Variants in STK10 observed in about 807,000 individuals in gnomAD.
The protein encoded by STK10 is serine/threonine kinase 10, also known as serine/threonine-protein kinase 10.
In STK10, 78 loss-of-function variants were observed where a neutral mutation model predicts 113.8. The observed-to-expected ratio is 0.69, with a 90% CI of 0.57 to 0.83. The LOEUF (loss-of-function observed/expected upper bound fraction) is 0.83, where lower values mean the gene tolerates loss of function less well. Among genes scored for constraint, STK10 ranks in the 40% least tolerant of loss-of-function variants. The pLI, the probability that STK10 is intolerant of heterozygous loss-of-function variation, is 0.00. For synonymous variants in STK10, 465 were observed against 494.7 expected (o/e 0.94, Z 0.80); for missense variants, 1,109 against 1,280.1 (o/e 0.87, Z 2.04).
At position 172,127,422 on chromosome 5, in the gene STK10, C is replaced by G. The variant is rs899019566; in HGVS notation, c.322-1G>C. 2 of 1,613,576 alleles carry G rather than the reference C, an allele frequency of 1.2e-6. No homozygotes were observed. The highest frequency in any genetic ancestry group is 2.7e-5 in the African/African-American group (2 of 74,930). On this transcript the variant is annotated splice_acceptor_variant, in intron 2 of 18. Coordinates refer to ENST00000176763, the MANE Select transcript of STK10 (RefSeq NM_005990.4). LOFTEE classifies it high-confidence loss of function. Reference sequence around the variant, plus strand: ...CCCCTGGACAGAACTCAATCATGATCTGCAGAAAACACAGGGCAAAGTGAC... The same window carrying G: ...CCCCTGGACAGAACTCAATCATGATGTGCAGAAAACACAGGGCAAAGTGAC...
At chr5:172,063,924 T>C (rs527787387) in intron 13 of STK10, among the ~76,000 whole-genome samples, 1 of 151,808 alleles carries the variant, frequency 6.6e-6, no homozygotes, top group Non-Finnish European at 1.5e-5. Flanking sequence ...TGGGGGAAAA[T>C]AGGAGCATTC....
chr5:172,094,046 A>G (rs745840495), intron 8 of STK10, 86 bp from the exon 9 acceptor site: 84 of 1,111,680 alleles, frequency 7.6e-5, no homozygotes, highest in Non-Finnish European at 9.2e-5. Flanking sequence ...AAAGTCAGAC[A>G]CCCTCAAGAT....
intron 15 of STK10, among the ~76,000 whole-genome samples, chr5:172,056,017 A>G (rs1000668724): frequency 2.0e-5 from 3 of 152,240 alleles, no homozygotes; most frequent in East Asian, 1.9e-4. Context: ...CATCTAATCA[A>G]TGATGGCATG....
At chr5:172,103,077 G>C (rs763981258) in intron 7 of STK10, among the ~76,000 whole-genome samples, 1 of 152,244 alleles carries the variant, frequency 6.6e-6, no homozygotes, top group Non-Finnish European at 1.5e-5. Flanking sequence ...ACAGGGAGAC[G>C]TGAGAGCCAG....
At chr5:172,048,899 T>C (rs1312551017) in intron 18 of STK10, among the ~76,000 whole-genome samples, 1 of 151,106 alleles carries the variant, frequency 6.6e-6, no homozygotes, top group Non-Finnish European at 1.5e-5. Context: ...GCCGCAGGGG[T>C]CTCCTTGTTT....
Position 172,188,190 on chromosome 5 carries a change from G to T in STK10, c.-148C>A. The T allele has an allele frequency of 7.3e-7, 1 of 1,369,662 alleles. No individual in the cohort carries two copies. The highest frequency in any genetic ancestry group is 9.7e-7 in the Non-Finnish European group (1 of 1,036,120). The allele number at this position is 1,369,662 out of a possible 1,614,324, so 84.8% of individuals were successfully genotyped here. On this transcript the variant is annotated 5_prime_UTR_variant, in exon 1 of 19. Coordinates refer to ENST00000176763, the MANE Select transcript of STK10 (RefSeq NM_005990.4). The surrounding 1 kb of genome is among the most constrained non-coding windows in gnomAD (Gnocchi z 5.6). ...CGCCTTTCCCCGCAGCCCGACCTCGGTCAAGTGTGCCCTGGGCAGCGCCGC... is the reference window on the plus strand; with the variant it reads ...CGCCTTTCCCCGCAGCCCGACCTCGTTCAAGTGTGCCCTGGGCAGCGCCGC...
intron 18 of STK10, among the ~76,000 whole-genome samples, chr5:172,049,118 C>A (rs952355760): frequency 5.9e-5 from 9 of 152,130 alleles, no homozygotes; most frequent in African/African-American, 2.2e-4. Context: ...TGCTTCTTGG[C>A]CCCTTACTAG....
Position 172,048,926 on chromosome 5 carries a change from G to A in STK10, c.2767-3904C>T, listed in dbSNP as rs563632706. Among the ~76,000 whole-genome samples, 247 of 151,826 alleles carry A rather than the reference G, an allele frequency of 1.6e-3. 1 individual carries two copies. Among genetic ancestry groups the A allele is most frequent in the Non-Finnish European group, 2.8e-3 (191 of 67,956 alleles). On this transcript the variant is annotated intron_variant, in intron 18 of 18. Coordinates refer to ENST00000176763, the MANE Select transcript of STK10 (RefSeq NM_005990.4). ...TCCTTGTTTCACGAGCAAGGTGTCC[G>A]GGCCTTTGCAGTTGCTCTTCCCTGT...
At chr5:172,075,668 G>A (rs920378209) in intron 12 of STK10, among the ~76,000 whole-genome samples, 8 of 152,104 alleles carry the variant, frequency 5.3e-5, no homozygotes, top group South Asian at 2.1e-4. Context: ...CGACAAGAGC[G>A]AAACTCCATC....
At chr5:172,051,021 G>C (rs1489356358) in intron 18 of STK10, among the ~76,000 whole-genome samples, 1 of 151,866 alleles carries the variant, frequency 6.6e-6, no homozygotes, top group Non-Finnish European at 1.5e-5. Context: ...GTTGAGGCAG[G>C]AGAATCGCTT....
chr5:172,129,423 T>C (rs895119821), intron 2 of STK10, among the ~76,000 whole-genome samples: 18 of 152,204 alleles, frequency 1.2e-4, no homozygotes, highest in African/African-American at 4.1e-4. Context: ...ACAACGGGCC[T>C]GACCTCAGCT....
At position 172,090,269 on chromosome 5, in the gene STK10, C is replaced by T. The variant is rs143733022; in HGVS notation, c.1648G>A (p.Glu550Lys). The T allele has an allele frequency of 5.3e-5, 86 of 1,614,014 alleles. No homozygotes were observed. Among genetic ancestry groups the T allele is most frequent in the Non-Finnish European group, 6.9e-5 (81 of 1,180,016 alleles). ...ATCTCCTCATCCTTCTTCTCATCTT[C>T]GCTGATGATCTTGGAGGTGGTGATG... is the stretch of plus-strand genomic sequence containing the variant. Reference protein sequence around the residue: ...VSITTSKIISEDEKKDEEMRF... With the variant: ...VSITTSKIISKDEKKDEEMRF... The change falls in exon 10 of 19, where the codon GAA becomes AAA. Residue 550 changes from glutamate (E) to lysine (K), a missense_variant. Physicochemically the swap from Glu to Lys is moderately conservative, Grantham distance 56. Around this residue, in one of 5 missense-constraint regions of STK10, gnomAD observed 885 missense variants for 991.1 expected, o/e 0.89. Coordinates refer to ENST00000176763, the MANE Select transcript of STK10 (RefSeq NM_005990.4).
At chr5:172,163,143 CACTG>C (rs1463567559) in intron 1 of STK10, among the ~76,000 whole-genome samples, 3 of 152,240 alleles carry the variant, frequency 2.0e-5, no homozygotes, top group South Asian at 2.1e-4. Context: ...AAACAGCTAA[CACTG>C]ACTGAGCACT....
chr5:172,089,427 TG>T (rs1768641104), intron 10 of STK10, among the ~76,000 whole-genome samples: 2 of 151,596 alleles, frequency 1.3e-5, no homozygotes, highest in Non-Finnish European at 2.9e-5. Context: ...GATGGATGGA[TG>T]GATGGATGGA....
Position 172,187,442 on chromosome 5 carries a change from G to A in STK10, c.156+445C>T, listed in dbSNP as rs1363693638. Among the ~76,000 whole-genome samples, 1 of 151,936 alleles carries A rather than the reference G, an allele frequency of 6.6e-6. No individual in the cohort carries two copies. Among genetic ancestry groups the A allele is most frequent in the Non-Finnish European group, 1.5e-5 (1 of 68,002 alleles). On this transcript the variant is annotated intron_variant, in intron 1 of 18. Coordinates refer to ENST00000176763, the MANE Select transcript of STK10 (RefSeq NM_005990.4). This position sits in a 1 kb window ranked among gnomAD's most constrained non-coding sequence, Gnocchi z 4.6. ...GCTCCCAACCCGTCCAAGCGCAGCC[G>A]AGTTTCTCGGTCCACATCGCCTCGA...
intron 7 of STK10, among the ~76,000 whole-genome samples, chr5:172,099,293 C>T (rs1768927705): frequency 6.6e-6 from 1 of 152,172 alleles, no homozygotes; most frequent in Admixed American, 6.5e-5. Flanking sequence ...GTAATCCCAG[C>T]ACTTTGGGAG....
intron 1 of STK10, among the ~76,000 whole-genome samples, chr5:172,174,939 C>T (rs1272147972): frequency 6.6e-6 from 1 of 152,228 alleles, no homozygotes; most frequent in African/African-American, 2.4e-5. Flanking sequence ...AGTCCCTCCT[C>T]GTCCCCATCC....
At chr5:172,065,124 T>C (rs1160502933) in intron 12 of STK10, among the ~76,000 whole-genome samples, 2 of 152,172 alleles carry the variant, frequency 1.3e-5, no homozygotes, top group Non-Finnish European at 2.9e-5. Flanking sequence ...TTCTCAACCT[T>C]TTTAAAAAAT....
chr5:172,060,618 T>C (rs1167857248), intron 14 of STK10, among the ~76,000 whole-genome samples: 1 of 152,210 alleles, frequency 6.6e-6, no homozygotes, highest in African/African-American at 2.4e-5. Flanking sequence ...GGGAAATGAA[T>C]GTCTGTTGTT....
Sources: allele counts gnomAD v4.1 joint callset (sites outside exome capture counted in the v4.1 genomes callset), GRCh38; gene constraint gnomAD v4.1.1; regional missense constraint gnomAD v4.1.1; non-coding constraint Gnocchi (gnomAD v3.1); transcripts MANE v1.5; gene names NCBI Gene and HGNC (gene_info 2026-07-23, HGNC 2026-07-21).